Variants in FAM200A observed in about 807,000 individuals in gnomAD.
The protein encoded by FAM200A is ZBED8 like, also known as protein FAM200A.
FAM200A carries 26 observed loss-of-function variants against 44.2 expected under a neutral mutation model. The ratio of observed to expected loss-of-function variants is 0.59; its 90% CI spans 0.43 to 0.82. FAM200A has a LOEUF of 0.82. Among genes scored for constraint, FAM200A ranks in the 40% least tolerant of loss-of-function variants. FAM200A has a pLI of 0.00. For synonymous variants in FAM200A, 206 were observed against 244.4 expected (o/e 0.84, Z 1.47); for missense variants, 606 against 669.5 (o/e 0.91, Z 1.05).
At chr7:99,553,091 A>T (rs1584227569), upstream of FAM200A, among the ~76,000 whole-genome samples, 1 of 96,944 alleles carries the variant, frequency 1.0e-5, no homozygotes, top group East Asian at 3.1e-4. Flanking sequence ...ATATATATAT[A>T]TATATATATT....
upstream of FAM200A, among the ~76,000 whole-genome samples, chr7:99,556,037 A>G (rs1802668788): frequency 6.6e-6 from 1 of 152,092 alleles, no homozygotes; most frequent in Admixed American, 6.5e-5. Context: ...ACCTGTACCA[A>G]TTTTTTTGGG....
rs1802404601 is a variant in FAM200A at position 99,547,100 on chromosome 7, A to G, written c.1308T>C (p.Tyr436=). 6.5e-7 allele frequency: 1 copy of G among 1,547,246 alleles called. No individual in the cohort carries two copies. ...HLTSLSQTFN[Y]YFPEEKFESL... ...ATTCAAATTTCTCTTCCGGAAAGTA[A>G]TAATTAAAAGTTTGAGACAAAGAAG... Residue 436 remains tyrosine (Y), a synonymous_variant, in exon 2 of 2, where the codon TAT becomes TAC. Transcript: ENST00000449309.
Position 99,548,180 on chromosome 7 carries a change from C to T in FAM200A, c.228G>A (p.Met76Ile), listed in dbSNP as rs1442192420. The change falls in exon 2 of 2, where the codon ATG becomes ATA. Residue 76 changes from methionine (M) to isoleucine (I), a missense_variant. Coordinates refer to ENST00000449309, the MANE Select transcript of FAM200A (RefSeq NM_145111.4). Reference sequence around the variant, plus strand: ...TAATTTTTTCAGCCGCTGTGTGAGCCATTTTCTCTTTTGCCACTCTATATG... The same window carrying T: ...TAATTTTTTCAGCCGCTGTGTGAGCTATTTTCTCTTTTGCCACTCTATATG... ...LVAYRVAKEK[M>I]AHTAAEKIIL... The T allele has an allele frequency of 1.3e-6, 2 of 1,556,668 alleles. No individual in the cohort carries two copies. The highest frequency in any genetic ancestry group is 2.4e-5 in the East Asian group (1 of 41,490).
chr7:99,554,233 C>T (rs1802632489), upstream of FAM200A, among the ~76,000 whole-genome samples: 1 of 152,060 alleles, frequency 6.6e-6, no homozygotes, highest in African/African-American at 2.4e-5. Flanking sequence ...GTAATGTCAG[C>T]ACTTTGGGAG....
chr7:99,552,218 C>T, upstream of FAM200A: 1 of 976,712 alleles, frequency 1.0e-6, no homozygotes, highest in Non-Finnish European at 1.2e-6. Flanking sequence ...GGGCTCTAAT[C>T]TCGGGTTTGG....
Position 99,546,559 on chromosome 7 carries a change from G to T in FAM200A, c.*127C>A. On this transcript the variant is annotated 3_prime_UTR_variant, in exon 2 of 2. Coordinates refer to ENST00000449309, the MANE Select transcript of FAM200A (RefSeq NM_145111.4). ...AAGGTTTCTATTTTTAGTAGAGATGGGGTTTCACCATGTTGGCCAGGCTGG... is the reference window on the plus strand; with the variant it reads ...AAGGTTTCTATTTTTAGTAGAGATGTGGTTTCACCATGTTGGCCAGGCTGG... 1.0e-6 allele frequency: 1 copy of T among 986,894 alleles called. No homozygotes were observed. The allele number at this position is 986,894 out of a possible 1,614,324, so 61.1% of individuals were successfully genotyped here. A position where few individuals can be genotyped will look rare whatever the true frequency, so the allele number is the denominator to read the frequency against.
At chr7:99,556,802 A>C (rs1802692999), upstream of FAM200A, among the ~76,000 whole-genome samples, 1 of 152,196 alleles carries the variant, frequency 6.6e-6, no homozygotes, top group Non-Finnish European at 1.5e-5. Flanking sequence ...TTGGGAGGCC[A>C]AGACGGGCGG....
intron 1 of FAM200A, among the ~76,000 whole-genome samples, chr7:99,551,098 A>G (rs1802517588): frequency 6.6e-6 from 1 of 151,564 alleles, no homozygotes; most frequent in African/African-American, 2.4e-5. Flanking sequence ...AAACAAAAAG[A>G]CCCCTTCCTA....
chr7:99,554,234 A>C (rs1802632572), upstream of FAM200A, among the ~76,000 whole-genome samples: 1 of 152,114 alleles, frequency 6.6e-6, no homozygotes, highest in African/African-American at 2.4e-5. Context: ...TAATGTCAGC[A>C]CTTTGGGAGG....
Position 99,546,374 on chromosome 7 carries a change from ATT to A in FAM200A, c.*310_*311del. On this transcript the variant is annotated 3_prime_UTR_variant, in exon 2 of 2. Transcript: ENST00000449309. ...AAATCCCTTTAAAAGTACAAATACA[ATT>A]TTTTTTTTTTGAGATGAAGTCTCAC... is the stretch of plus-strand genomic sequence containing the variant. 1.3e-4 allele frequency: 27 copies of A among 213,600 alleles called. No homozygotes were observed. Among genetic ancestry groups the A allele is most frequent in the East Asian group, 2.9e-4 (3 of 10,254 alleles). The allele number at this position is 213,600 out of a possible 1,614,324, so 13.2% of individuals were successfully genotyped here.
upstream of FAM200A, among the ~76,000 whole-genome samples, chr7:99,554,324 C>T (rs1802634527): frequency 6.6e-6 from 1 of 151,886 alleles, no homozygotes; most frequent in Non-Finnish European, 1.5e-5. Flanking sequence ...ACTAAAAATA[C>T]AGAAATTACC....
chr7:99,546,513 C>T lies in FAM200A; in HGVS notation c.*173G>A. ...GCACCCAAGTAACTGGGACTGCAGG[C>T]ATGTGCCACCACGCCTGGCTAAGGT... On this transcript the variant is annotated 3_prime_UTR_variant, in exon 2 of 2. Transcript: ENST00000449309. The T allele has an allele frequency of 1.8e-6, 1 of 563,784 alleles. No individual in the cohort carries two copies. The highest frequency in any genetic ancestry group is 3.4e-5 in the East Asian group (1 of 29,176). The allele number at this position is 563,784 out of a possible 1,614,324, so 34.9% of individuals were successfully genotyped here.
At chr7:99,550,937 C>T (rs903502096) in intron 1 of FAM200A, among the ~76,000 whole-genome samples, 2 of 152,106 alleles carry the variant, frequency 1.3e-5, no homozygotes, top group Admixed American at 1.3e-4. Flanking sequence ...ATTAGCCGGG[C>T]ATGGTGGCAG....
chr7:99,546,666 G>C lies in FAM200A; in HGVS notation c.*20C>G. 6.7e-7 allele frequency: 1 copy of C among 1,487,926 alleles called. No homozygotes were observed. The highest frequency in any genetic ancestry group is 1.4e-5 in the South Asian group (1 of 71,700). 92.2% of individuals were successfully genotyped at this position (1,487,926 alleles called of 1,614,324 possible). On this transcript the variant is annotated 3_prime_UTR_variant, in exon 2 of 2. Coordinates refer to ENST00000449309, the MANE Select transcript of FAM200A (RefSeq NM_145111.4). ...AAGCCACCACACCTGGCTATACACA[G>C]AATTTTGTAAAGTTTGTATTTAATG...
rs61580792 is a variant in FAM200A, at chr7:99,547,094, A to T, written c.1314T>A (p.Phe438Leu). 25 of 1,547,052 alleles carry T rather than the reference A, an allele frequency of 1.6e-5. 1 individual carries two copies. In the East Asian group the frequency reaches 3.9e-4, roughly 24 times the overall value. The change falls in exon 2 of 2, where the codon TTT (phenylalanine) becomes TTA (leucine). Residue 438 changes from phenylalanine (F) to leucine (L), a missense_variant. Transcript: ENST00000449309. ...TSLSQTFNYY[F>L]PEEKFESLKE... The stretch of plus-strand genomic sequence containing the variant: ...TTAATGATTCAAATTTCTCTTCCGG[A>T]AAGTAATAATTAAAAGTTTGAGACA...
chr7:99,551,238 C>T (rs945779089), intron 1 of FAM200A, among the ~76,000 whole-genome samples: 2 of 152,024 alleles, frequency 1.3e-5, no homozygotes, highest in Non-Finnish European at 2.9e-5. Context: ...CTCTCTCTGT[C>T]TCCCAGGCTG....
chr7:99,548,754 A>G (rs1802449497), intron 1 of FAM200A, among the ~76,000 whole-genome samples: 2 of 152,000 alleles, frequency 1.3e-5, no homozygotes, highest in South Asian at 4.1e-4. Context: ...ATAAAAGTTC[A>G]GAAAGATTAA....
At chr7:99,552,263 G>T, upstream of FAM200A, 1 of 711,824 alleles carries the variant, frequency 1.4e-6, no homozygotes, top group Non-Finnish European at 1.7e-6. Flanking sequence ...CTCCGAGGAG[G>T]TGCACAGGGC....
chr7:99,548,593 C>T, intron 1 of FAM200A, 87 bp from the exon 2 acceptor site: 1 of 1,137,308 alleles, frequency 8.8e-7, no homozygotes. Context: ...TTCACTAAAT[C>T]TAGTGGTGTG....
Sources: gnomAD v4.1 joint callset for allele counts (sites outside exome capture counted in the v4.1 genomes callset) on GRCh38, gnomAD v4.1.1 for gene constraint, MANE v1.5 for transcripts, NCBI Gene and HGNC (gene_info 2026-07-23, HGNC 2026-07-21) for gene names.